The following POLR1A variants were observed in gnomAD, a reference collection of about 807,000 sequenced individuals.
The protein encoded by POLR1A is RNA polymerase I subunit A, also known as DNA-directed RNA polymerase I subunit RPA1.
POLR1A carries 84 observed loss-of-function variants against 205.3 expected under a neutral mutation model. That is an observed-to-expected ratio of 0.41 (90% confidence interval 0.34 to 0.49). The LOEUF (loss-of-function observed/expected upper bound fraction) is 0.49, where lower values mean the gene tolerates loss of function less well. Ranked by LOEUF, POLR1A falls within the 20% of genes least tolerant of loss-of-function variation. POLR1A has a pLI of 0.22. For missense variants in POLR1A, 1,645 were observed against 2,204.5 expected (o/e 0.75, Z 5.08); for synonymous variants, 799 against 863.7 (o/e 0.93, Z 1.31).
chr2:86,088,909 A>T, intron 4 of POLR1A, 39 bp from the exon 5 acceptor site: 1 of 1,403,322 alleles, frequency 7.1e-7, no homozygotes, highest in Non-Finnish European at 1.0e-6. Context: ...TTGGAGTGCC[A>T]TTTTGAAGAG....
intron 14 of POLR1A, among the ~76,000 whole-genome samples, chr2:86,059,261 T>TAAATGAACTTCTTGCC (rs1181730178): frequency 6.6e-6 from 1 of 152,236 alleles, no homozygotes; most frequent in African/African-American, 2.4e-5. Context: ...TGAAAACATT[T>TAAATGAACTTCTTGCC]AAATGAACTT....
rs1257604508 is a variant in POLR1A at position 86,039,344 on chromosome 2, T to A, written c.3859A>T (p.Arg1287Trp). 2.5e-6 allele frequency: 4 copies of A among 1,614,084 alleles called. No individual in the cohort carries two copies. Among genetic ancestry groups the A allele is most frequent in the Non-Finnish European group, 2.5e-6 (3 of 1,180,012 alleles). The change falls in exon 26 of 34, where the codon AGG becomes TGG. Residue 1287 changes from arginine to tryptophan, a missense_variant. By Grantham distance (101) the Arg-to-Trp change is moderately radical. Coordinates refer to ENST00000263857, the MANE Select transcript of POLR1A (RefSeq NM_015425.6). Reference protein sequence around the residue: ...RVKSLKKQLTRVCLGEVLQKI... With the variant: ...RVKSLKKQLTWVCLGEVLQKI... ...GACGTTACCTCCCCCAAGCACACCC[T>A]GGTGAGTTGCTTCTTCAGGCTTTTC...
chr2:86,029,584 G>A (rs1226906077), intron 31 of POLR1A, among the ~76,000 whole-genome samples: 1 of 146,250 alleles, frequency 6.8e-6, no homozygotes, highest in Non-Finnish European at 1.5e-5. Flanking sequence ...ACTTCGGGAG[G>A]GTCTTAATTT....
intron 3 of POLR1A, among the ~76,000 whole-genome samples, chr2:86,095,771 A>C (rs1240115228): frequency 1.3e-5 from 2 of 150,012 alleles, no homozygotes; most frequent in East Asian, 3.9e-4. Flanking sequence ...TCTGTTACCC[A>C]GGCTGGAGTG....
intron 27 of POLR1A, among the ~76,000 whole-genome samples, chr2:86,035,208 G>C (rs530809295): frequency 1.3e-5 from 2 of 152,126 alleles, no homozygotes; most frequent in Admixed American, 6.5e-5. Flanking sequence ...GGTGTACGTG[G>C]TTTGCCCTTG....
chr2:86,028,748 T>C lies in POLR1A; in HGVS notation c.4780-37A>G. The stretch of plus-strand genomic sequence containing the variant: ...AAGGAAGGGATTTATTTAGAGGGCC[T>C]GGCCTTCTGCTCCCTTCTGCCTGCG... On this transcript the variant is annotated intron_variant, in intron 31 of 33. Coordinates refer to ENST00000263857, the MANE Select transcript of POLR1A (RefSeq NM_015425.6). This position sits in a 1 kb window ranked among gnomAD's most constrained non-coding sequence, Gnocchi z 4.5. 10 of 1,477,204 alleles carry C rather than the reference T, an allele frequency of 6.8e-6. No individual in the cohort carries two copies. Among genetic ancestry groups the C allele is most frequent in the Non-Finnish European group, 9.5e-6 (10 of 1,056,202 alleles). The allele number at this position is 1,477,204 out of a possible 1,614,324, so 91.5% of individuals were successfully genotyped here. A position where few individuals can be genotyped will look rare whatever the true frequency, so the allele number is the denominator to read the frequency against.
rs1177571536 is a variant in POLR1A at position 86,065,257 on chromosome 2, T to G, written c.2058+17A>C. 6.2e-7 allele frequency: 1 copy of G among 1,609,060 alleles called. No homozygotes were observed. Among genetic ancestry groups the G allele is most frequent in the Admixed American group, 1.7e-5 (1 of 59,328 alleles). On this transcript the variant is annotated intron_variant, in intron 14 of 33. Coordinates refer to ENST00000263857, the MANE Select transcript of POLR1A (RefSeq NM_015425.6). ...ATTTCCTTTTGTTACATACACTGGC[T>G]GTTCTCTCCCAATTACCTGTTTTCC...
At position 86,100,678 on chromosome 2, in the gene POLR1A, T is replaced by C. The variant is rs191264767; in HGVS notation, c.78-506A>G. On this transcript the variant is annotated intron_variant, in intron 1 of 33. Transcript: ENST00000263857. ...CCTCCCGAGTAGCTGGGACCACAGA[T>C]GTGTGTCAATATGCCCAAACAATTT... Among the ~76,000 whole-genome samples the C allele has an allele frequency of 2.8e-3, 430 of 152,030 alleles. 2 individuals are homozygous for C. The highest frequency in any genetic ancestry group is 6.1e-3 in the Admixed American group (93 of 15,264).
chr2:86,062,831 T>C (rs1673020515), intron 14 of POLR1A, among the ~76,000 whole-genome samples: 1 of 151,978 alleles, frequency 6.6e-6, no homozygotes, highest in African/African-American at 2.4e-5. Context: ...AAATTATCAA[T>C]GTCAGGAATG....
At chr2:86,034,200 C>T (rs566508050) in intron 27 of POLR1A, among the ~76,000 whole-genome samples, 7 of 152,296 alleles carry the variant, frequency 4.6e-5, no homozygotes, top group East Asian at 1.9e-4. Context: ...TTGTAGGTGC[C>T]GCTGTGGTCG....
At chr2:86,081,815 A>G (rs1373873179) in intron 7 of POLR1A, 109 bp from the exon 8 acceptor site, 3 of 670,450 alleles carry the variant, frequency 4.5e-6, no homozygotes, top group Non-Finnish European at 7.7e-6. Flanking sequence ...AATACAAGAT[A>G]ATATGTAGAG....
intron 3 of POLR1A, among the ~76,000 whole-genome samples, chr2:86,092,823 T>C (rs1480357704): frequency 4.0e-5 from 6 of 151,070 alleles, no homozygotes; most frequent in Non-Finnish European, 1.5e-5. Flanking sequence ...AGACTCTCTC[T>C]CAAAAAAAAA....
Position 86,098,762 on chromosome 2 carries a change from T to TGAA in POLR1A, c.283-5_283-3dup. 1.9e-6 allele frequency: 3 copies of TGAA among 1,613,870 alleles called. No individual in the cohort carries two copies. The highest frequency in any genetic ancestry group is 2.5e-6 in the Non-Finnish European group (3 of 1,179,880). ...GCCCCGAAGCAGCAGGTACAGCTTCTGAAGAGAGGGAATAAAAACAAACAG... is the reference window on the plus strand; with the variant it reads ...GCCCCGAAGCAGCAGGTACAGCTTCTGAAGAAGAGAGGGAATAAAAACAAACAG... On this transcript the variant is annotated splice_region_variant and splice_polypyrimidine_tract_variant and intron_variant, in intron 2 of 33. Coordinates refer to ENST00000263857, the MANE Select transcript of POLR1A (RefSeq NM_015425.6).
At chr2:86,060,098 A>G (rs1269524100) in intron 14 of POLR1A, among the ~76,000 whole-genome samples, 1 of 152,250 alleles carries the variant, frequency 6.6e-6, no homozygotes, top group East Asian at 1.9e-4. Context: ...AAAATTTAAT[A>G]GACAGTATCA....
intron 7 of POLR1A, among the ~76,000 whole-genome samples, chr2:86,082,283 T>G (rs2104423085): frequency 6.6e-6 from 1 of 152,298 alleles, no homozygotes; most frequent in East Asian, 1.9e-4. Context: ...GAAACTTCAC[T>G]TGTTTTTAAT....
intron 3 of POLR1A, among the ~76,000 whole-genome samples, chr2:86,090,170 G>T (rs530196806): frequency 5.1e-4 from 77 of 152,214 alleles, no homozygotes; most frequent in African/African-American, 1.5e-3. Flanking sequence ...GAGGCAGGCG[G>T]ATCACTAGAG....
At chr2:86,101,265 C>T (rs1045187707) in intron 1 of POLR1A, among the ~76,000 whole-genome samples, 35 of 152,142 alleles carry the variant, frequency 2.3e-4, no homozygotes, top group Admixed American at 2.2e-3. Flanking sequence ...AAGGCTGAAA[C>T]GAGAGTCCCC....
Position 86,048,925 on chromosome 2 carries a change from A to T in POLR1A, c.2593T>A (p.Phe865Ile). The T allele has an allele frequency of 6.2e-7, 1 of 1,614,188 alleles. No individual in the cohort carries two copies. The highest frequency in any genetic ancestry group is 8.5e-7 in the Non-Finnish European group (1 of 1,179,984). ...QRDFNMIDLKFKEEVNHYSNE... is the reference protein window; with the variant it reads ...QRDFNMIDLKIKEEVNHYSNE... ...CTGTAATGGTTCACTTCCTCCTTGA[A>T]CTTCAGATCAATCATGTTAAAATCC... is the stretch of plus-strand genomic sequence containing the variant. Residue 865 changes from phenylalanine to isoleucine, a missense_variant, in exon 18 of 34, where the codon TTC becomes ATC. Transcript: ENST00000263857.
chr2:86,029,947 C>T (rs955801834), intron 31 of POLR1A, among the ~76,000 whole-genome samples: 1 of 152,112 alleles, frequency 6.6e-6, no homozygotes, highest in Non-Finnish European at 1.5e-5. Context: ...TTAACCCGGG[C>T]GACTCTGGGT....
Sources: gnomAD v4.1 joint callset for allele counts (sites outside exome capture counted in the v4.1 genomes callset) on GRCh38, gnomAD v4.1.1 for gene constraint, Gnocchi (gnomAD v3.1) non-coding constraint, MANE v1.5 for transcripts, NCBI Gene and HGNC (gene_info 2026-07-23, HGNC 2026-07-21) for gene names.